HS6ST3: variants seen among roughly 807,000 people sequenced by gnomAD.
HS6ST3 encodes heparan sulfate 6-O-sulfotransferase 3, also known as heparan-sulfate 6-O-sulfotransferase 3.
Under a neutral mutation model 36.7 loss-of-function variants are expected in HS6ST3, and 12 were observed. The observed-to-expected ratio is 0.33, with a 90% CI of 0.21 to 0.53. HS6ST3 has a LOEUF of 0.53. HS6ST3 is among the 20% of genes least tolerant of loss of function. HS6ST3 has a pLI of 0.95. For missense variants in HS6ST3, 584 were observed against 640.9 expected, an observed-to-expected ratio of 0.91 and a Z score of 0.96; for synonymous variants, 240 against 257.5, an observed-to-expected ratio of 0.93 and a Z score of 0.65.
rs578208608 is a variant in HS6ST3, at chr13:96,785,527, T to C, written c.708-46963T>C. Among the ~76,000 whole-genome samples, 3 of 152,282 alleles carry C rather than the reference T, an allele frequency of 2.0e-5. No individual in the cohort carries two copies. The South Asian group carries it at 6.2e-4, about 32-fold the overall frequency. On this transcript the variant is annotated intron_variant, in intron 1 of 1. Coordinates refer to ENST00000376705, the MANE Select transcript of HS6ST3 (RefSeq NM_153456.4). Reference sequence around the variant, plus strand: ...CCAAATAGAATCTGAGCTGCCTGTCTCCTGGTCCACTGTTGCAAGTGGGCA... The same window carrying C: ...CCAAATAGAATCTGAGCTGCCTGTCCCCTGGTCCACTGTTGCAAGTGGGCA...
chr13:96,563,178 A>C, intron 1 of HS6ST3, among the ~76,000 whole-genome samples: 1 of 152,234 alleles, frequency 6.6e-6, no homozygotes, highest in East Asian at 1.9e-4. Flanking sequence ...TTTAATAAAA[A>C]GAATCCATGA....
intron 1 of HS6ST3, among the ~76,000 whole-genome samples, chr13:96,542,257 G>A (rs975272352): frequency 9.2e-5 from 14 of 152,128 alleles, no homozygotes; most frequent in Admixed American, 2.0e-4. Context: ...CATAGATAGA[G>A]TTTAGCTTTA....
chr13:96,756,253 G>A (rs966790512), intron 1 of HS6ST3, among the ~76,000 whole-genome samples: 8 of 151,904 alleles, frequency 5.3e-5, no homozygotes, highest in Non-Finnish European at 1.2e-4. Context: ...TATATATTCT[G>A]CATACAAATC....
rs555750747 is a variant in HS6ST3, at chr13:96,523,680, C to T, written c.708-308810C>T. Among the ~76,000 whole-genome samples, 10 of 152,152 alleles carry T rather than the reference C, an allele frequency of 6.6e-5. No individual in the cohort carries two copies. In the South Asian group the frequency reaches 2.1e-3, roughly 32 times the overall value. Reference sequence around the variant, plus strand: ...AATTGGCTATTGAAGCTTGTGTATGCTTCACGAAGTTCTTGTACTGTGTTT... The same window carrying T: ...AATTGGCTATTGAAGCTTGTGTATGTTTCACGAAGTTCTTGTACTGTGTTT... On this transcript the variant is annotated intron_variant, in intron 1 of 1. Transcript: ENST00000376705.
intron 1 of HS6ST3, among the ~76,000 whole-genome samples, chr13:96,578,254 C>T (rs918389930): frequency 6.6e-6 from 1 of 152,206 alleles, no homozygotes; most frequent in African/African-American, 2.4e-5. Context: ...CCATCCTGAA[C>T]AGGGCCTAGT....
intron 1 of HS6ST3, among the ~76,000 whole-genome samples, chr13:96,653,670 T>C (rs562439252): frequency 2.0e-5 from 3 of 152,278 alleles, no homozygotes; most frequent in South Asian, 2.1e-4. Context: ...AATAAACATA[T>C]GTGTGCATGT....
rs1419037043 is a variant in HS6ST3 at position 96,779,643 on chromosome 13, T to C, written c.708-52847T>C. Among the ~76,000 whole-genome samples, 3 of 151,882 alleles carry C rather than the reference T, an allele frequency of 2.0e-5. No individual in the cohort carries two copies. In the East Asian group the frequency reaches 5.8e-4, roughly 29 times the overall value. ...TAAAAAGAGATTCAAGGTGGAAACG[T>C]AGAGTGGAGGAGTCCTTCACATGCT... On this transcript the variant is annotated intron_variant, in intron 1 of 1. Transcript: ENST00000376705.
At chr13:96,187,078 A>T (rs2054268247) in intron 1 of HS6ST3, among the ~76,000 whole-genome samples, 1 of 152,194 alleles carries the variant, frequency 6.6e-6, no homozygotes. Flanking sequence ...TGTTGCCACA[A>T]CTGAGGCACC....
chr13:96,437,321 T>C (rs1256641912), intron 1 of HS6ST3, among the ~76,000 whole-genome samples: 1 of 152,272 alleles, frequency 6.6e-6, no homozygotes, highest in East Asian at 1.9e-4. Flanking sequence ...CAGTCCCTTG[T>C]TGCTCATGAT....
At chr13:96,394,993 C>T (rs1209824861) in intron 1 of HS6ST3, among the ~76,000 whole-genome samples, 1 of 152,094 alleles carries the variant, frequency 6.6e-6, no homozygotes, top group Non-Finnish European at 1.5e-5. Context: ...ATAATTGCCA[C>T]CTCTGCCTGT....
chr13:96,817,162 T>TCTGTAGGAGGGTAAAATAGAGAC (rs1878438189), intron 1 of HS6ST3, among the ~76,000 whole-genome samples: 1 of 151,756 alleles, frequency 6.6e-6, no homozygotes, highest in Non-Finnish European at 1.5e-5. Context: ...TGTGTCACCC[T>TCTGTAGGAGGGTAAAATAGAGAC]CCATGGCTGT....
At chr13:96,176,395 T>C (rs1449549792) in intron 1 of HS6ST3, among the ~76,000 whole-genome samples, 1 of 152,194 alleles carries the variant, frequency 6.6e-6, no homozygotes, top group Non-Finnish European at 1.5e-5. Flanking sequence ...AATGATAGAA[T>C]AAGGATATAA....
At chr13:96,447,952 A>G (rs952295519) in intron 1 of HS6ST3, among the ~76,000 whole-genome samples, 1 of 152,096 alleles carries the variant, frequency 6.6e-6, no homozygotes, top group Non-Finnish European at 1.5e-5. Context: ...TGGTGCGAGG[A>G]CCAAGAACCC....
chr13:96,781,707 T>C (rs548454057), intron 1 of HS6ST3, among the ~76,000 whole-genome samples: 3 of 152,312 alleles, frequency 2.0e-5, no homozygotes, highest in Admixed American at 2.0e-4. Flanking sequence ...AAACAACTTA[T>C]GTTGTCTTTG....
intron 1 of HS6ST3, among the ~76,000 whole-genome samples, chr13:96,529,465 T>C (rs1022924191): frequency 1.3e-5 from 2 of 152,210 alleles, no homozygotes; most frequent in African/African-American, 4.8e-5. Context: ...TTCATATGTC[T>C]ATAATATTTT....
Position 96,833,366 on chromosome 13 carries a change from C to T in HS6ST3, c.*168C>T, listed in dbSNP as rs149700592. Reference sequence around the variant, plus strand: ...CATTTTTATCCAGCTGGAGATTATCCGTCTTGTTCTTTTTTTTCTTGACAT... The same window carrying T: ...CATTTTTATCCAGCTGGAGATTATCTGTCTTGTTCTTTTTTTTCTTGACAT... On this transcript the variant is annotated 3_prime_UTR_variant, in exon 2 of 2. Transcript: ENST00000376705. 0.024 allele frequency: 14,785 copies of T among 609,424 alleles called. 245 individuals are homozygous for T. The highest frequency in any genetic ancestry group is 0.034 in the Middle Eastern group (78 of 2,294). The allele number at this position is 609,424 out of a possible 1,614,324, so 37.8% of individuals were successfully genotyped here.
At chr13:96,549,238 A>C (rs538329914) in intron 1 of HS6ST3, among the ~76,000 whole-genome samples, 1 of 152,310 alleles carries the variant, frequency 6.6e-6, no homozygotes, top group African/African-American at 2.4e-5. Context: ...GCACTCAATA[A>C]AAATGATTCC....
intron 1 of HS6ST3, among the ~76,000 whole-genome samples, chr13:96,235,608 T>G (rs1215839426): frequency 6.6e-6 from 1 of 151,966 alleles, no homozygotes; most frequent in East Asian, 1.9e-4. Context: ...TTTTTCCTTG[T>G]CCTCTATTAT....
intron 1 of HS6ST3, among the ~76,000 whole-genome samples, chr13:96,651,914 G>A (rs893819544): frequency 2.0e-5 from 3 of 152,016 alleles, no homozygotes; most frequent in Non-Finnish European, 4.4e-5. Context: ...GAAGTCTTCA[G>A]TTAGTATATG....
Sources: allele counts gnomAD v4.1 joint callset (sites outside exome capture counted in the v4.1 genomes callset), GRCh38; gene constraint gnomAD v4.1.1; transcripts MANE v1.5; gene names NCBI Gene and HGNC (gene_info 2026-07-23, HGNC 2026-07-21).